The following GAD2 variants were observed in gnomAD, a reference collection of about 807,000 sequenced individuals.
The protein encoded by GAD2 is glutamate decarboxylase 2, also known as 65 kDa glutamic acid decarboxylase.
GAD2 carries 22 observed loss-of-function variants against 80.1 expected under a neutral mutation model. That is an observed-to-expected ratio of 0.27 (90% CI 0.20 to 0.39). The LOEUF (loss-of-function observed/expected upper bound fraction) is 0.39, where lower values mean the gene tolerates loss of function less well. Among genes scored for constraint, GAD2 ranks in the 10% least tolerant of loss-of-function variants. The pLI is 1.00. For missense variants in GAD2, 624 were observed against 738.4 expected (o/e 0.85, Z 1.80); for synonymous variants, 274 against 256.9 (o/e 1.07, Z -0.64).
intron 8 of GAD2, among the ~76,000 whole-genome samples, chr10:26,267,972 A>C (rs977745628): frequency 1.3e-5 from 2 of 152,220 alleles, no homozygotes; most frequent in African/African-American, 4.8e-5. Context: ...GGAGAGCCAC[A>C]AAGGTACTAT....
chr10:26,218,551 TCACACACA>T (rs59054319), intron 3 of GAD2, among the ~76,000 whole-genome samples: 19 of 118,774 alleles, frequency 1.6e-4, no homozygotes, highest in Non-Finnish European at 2.8e-4. Context: ...TCTCTCTCTC[TCACACACA>T]CACACACACA....
intron 8 of GAD2, among the ~76,000 whole-genome samples, chr10:26,262,065 C>G (rs750997977): frequency 4.5e-4 from 68 of 152,056 alleles, no homozygotes; most frequent in Non-Finnish European, 8.7e-4. Context: ...ATAGGTTTCT[C>G]TGGGCTATCT....
chr10:26,242,107 T>G (rs1159265192), intron 7 of GAD2, among the ~76,000 whole-genome samples: 1 of 152,074 alleles, frequency 6.6e-6, no homozygotes, highest in African/African-American at 2.4e-5. Flanking sequence ...TGCCTCAGCC[T>G]CCGGAGTAGC....
At chr10:26,250,770 CAG>C (rs1363901968) in intron 8 of GAD2, among the ~76,000 whole-genome samples, 2 of 151,598 alleles carry the variant, frequency 1.3e-5, no homozygotes, top group African/African-American at 4.8e-5. Context: ...AAGAAAATAA[CAG>C]AAAAATCATA....
chr10:26,293,193 T>TTTTTTTTTTTTC (rs869296197), intron 15 of GAD2, among the ~76,000 whole-genome samples: 10 of 137,310 alleles, frequency 7.3e-5, no homozygotes, highest in East Asian at 4.3e-4. Flanking sequence ...TTTTTTTTTT[T>TTTTTTTTTTTTC]TTGAGATGGA....
intron 8 of GAD2, among the ~76,000 whole-genome samples, chr10:26,252,838 A>G (rs1273128558): frequency 6.7e-6 from 1 of 149,758 alleles, no homozygotes; most frequent in Non-Finnish European, 1.5e-5. Flanking sequence ...TTGTATTTTT[A>G]GTAGATATGG....
intron 7 of GAD2, among the ~76,000 whole-genome samples, chr10:26,243,697 A>G (rs2132286170): frequency 1.3e-5 from 2 of 152,326 alleles, no homozygotes; most frequent in South Asian, 4.1e-4. Context: ...CCAGTAATTG[A>G]TACCTCTTTT....
chr10:26,216,966 G>T lies in GAD2; in HGVS notation c.76+81G>T. 7.8e-7 allele frequency: 1 copy of T among 1,277,002 alleles called. No individual in the cohort carries two copies. Among genetic ancestry groups the T allele is most frequent in the Non-Finnish European group, 1.1e-6 (1 of 898,374 alleles). 79.1% of individuals were successfully genotyped at this position (1,277,002 alleles called of 1,614,324 possible). ...GCGGAACTACGGAGAAGACGAAGGA[G>T]GTTTTTCCACCTGCAACAGGAAACT... On this transcript the variant is annotated intron_variant, in intron 1 of 15. Transcript: ENST00000376261. This position sits in a 1 kb window ranked among gnomAD's most constrained non-coding sequence, Gnocchi z 4.7.
intron 8 of GAD2, among the ~76,000 whole-genome samples, chr10:26,265,202 C>T (rs7922748): frequency 0.065 from 9,281 of 143,502 alleles, 962 homozygotes; most frequent in African/African-American, 0.23. Context: ...TAGCATCATA[C>T]GACTTTTTTT....
rs776883034 is a variant in GAD2 at position 26,302,937 on chromosome 10, A to G, written c.*1976A>G. The stretch of plus-strand genomic sequence containing the variant: ...AGCATTAGACAAAGCATTAGAAAGC[A>G]GTTCCTTTCTCAAAACTGCCTGCTG... On this transcript the variant is annotated 3_prime_UTR_variant, in exon 16 of 16. Transcript: ENST00000376261. The G allele has an allele frequency of 6.6e-6, 1 of 152,206 alleles. No homozygotes were observed. The highest frequency in any genetic ancestry group is 2.4e-5 in the African/African-American group (1 of 41,450). The allele number at this position is 152,206 out of a possible 1,614,324, so 9.4% of individuals were successfully genotyped here. A position where few individuals can be genotyped will look rare whatever the true frequency, so the allele number is the denominator to read the frequency against.
chr10:26,218,067 G>C lies in GAD2; in HGVS notation c.286+76G>C. ...CGCCCACCGCGGCCGGTGCGGGTCCGGCGCTGAGAGCCGGACAGGGGCGTC... is the reference window on the plus strand; with the variant it reads ...CGCCCACCGCGGCCGGTGCGGGTCCCGCGCTGAGAGCCGGACAGGGGCGTC... On this transcript the variant is annotated intron_variant, in intron 3 of 15. Coordinates refer to ENST00000376261, the MANE Select transcript of GAD2 (RefSeq NM_001134366.2). 5.5e-6 allele frequency: 8 copies of C among 1,461,030 alleles called. 1 individual carries two copies. In the South Asian group the frequency reaches 9.5e-5, roughly 17 times the overall value. 90.5% of individuals were successfully genotyped at this position (1,461,030 alleles called of 1,614,324 possible).
chr10:26,245,398 T>G (rs888138365), intron 7 of GAD2, among the ~76,000 whole-genome samples: 2 of 151,450 alleles, frequency 1.3e-5, no homozygotes, highest in East Asian at 3.9e-4. Context: ...AAAAAATAAA[T>G]AAAAACGGTT....
chr10:26,261,630 A>G (rs970154087), intron 8 of GAD2, among the ~76,000 whole-genome samples: 1 of 152,178 alleles, frequency 6.6e-6, no homozygotes, highest in African/African-American at 2.4e-5. Context: ...TCTTGTCCCA[A>G]ATTTAATGGA....
intron 8 of GAD2, among the ~76,000 whole-genome samples, chr10:26,251,652 T>C (rs1433898792): frequency 6.6e-6 from 1 of 152,260 alleles, no homozygotes; most frequent in Non-Finnish European, 1.5e-5. Flanking sequence ...GGACAATTTC[T>C]TTCTATTCTT....
At chr10:26,279,037 G>C (rs896039427) in intron 11 of GAD2, among the ~76,000 whole-genome samples, 2 of 151,966 alleles carry the variant, frequency 1.3e-5, no homozygotes, top group African/African-American at 4.8e-5. Flanking sequence ...TTATTCTACT[G>C]TAATACTTTC....
At chr10:26,264,913 A>G (rs886153756) in intron 8 of GAD2, among the ~76,000 whole-genome samples, 1 of 152,222 alleles carries the variant, frequency 6.6e-6, no homozygotes, top group Admixed American at 6.5e-5. Context: ...AGCAGGGCCA[A>G]TGAACGGGGT....
chr10:26,289,693 C>T (rs1834191231), intron 13 of GAD2, among the ~76,000 whole-genome samples: 1 of 151,934 alleles, frequency 6.6e-6, no homozygotes, highest in Admixed American at 6.6e-5. Flanking sequence ...ATCCTAGGAC[C>T]TAATGATTAT....
In GAD2 at chr10:26,239,638, T is replaced by G. The variant is rs184941465; in HGVS notation, c.841-6283T>G. On this transcript the variant is annotated intron_variant, in intron 7 of 15. Coordinates refer to ENST00000376261, the MANE Select transcript of GAD2 (RefSeq NM_001134366.2). ...TAGTGGACACACAGTGAACTAATAT[T>G]AGAAATAGTGTCTTGTGGTGATGAG... 6.4e-4 allele frequency among the ~76,000 whole-genome samples: 98 copies of G among 152,312 alleles called. 3 individuals are homozygous for G. The East Asian group carries it at 0.016, about 25-fold the overall frequency.
intron 8 of GAD2, among the ~76,000 whole-genome samples, chr10:26,253,925 C>T (rs371649854): frequency 2.0e-5 from 3 of 151,736 alleles, no homozygotes; most frequent in African/African-American, 4.8e-5. Context: ...AGTTTTTCCA[C>T]GGACAGGGCT....
Sources: allele counts gnomAD v4.1 joint callset (sites outside exome capture counted in the v4.1 genomes callset), GRCh38; gene constraint gnomAD v4.1.1; non-coding constraint Gnocchi (gnomAD v3.1); transcripts MANE v1.5; gene names NCBI Gene and HGNC (gene_info 2026-07-23, HGNC 2026-07-21).